The following ADAMTS6 variants were observed in gnomAD, a reference collection of about 807,000 sequenced individuals.
ADAMTS6 encodes ADAM metallopeptidase with thrombospondin type 1 motif 6.
A neutral mutation model predicts 144.3 loss-of-function variants in ADAMTS6; 23 were observed. The observed-to-expected ratio is 0.16, with a 90% CI of 0.11 to 0.23. The LOEUF (loss-of-function observed/expected upper bound fraction) is 0.23, where lower values mean the gene tolerates loss of function less well. Among genes scored for constraint, ADAMTS6 ranks in the 10% least tolerant of loss-of-function variants. The probability of loss-of-function intolerance (pLI) is 1.00; values close to 1 mark genes in which losing one functional copy is unlikely to be tolerated. For synonymous variants in ADAMTS6, 444 were observed against 457.5 expected (o/e 0.97, Z 0.38); for missense variants, 999 against 1,379.6 (o/e 0.72, Z 4.37).
chr5:65,263,699 CAT>C (rs1491360266), intron 12 of ADAMTS6, among the ~76,000 whole-genome samples: 3 of 152,154 alleles, frequency 2.0e-5, no homozygotes, highest in Non-Finnish European at 4.4e-5. Context: ...AAAATCAACT[CAT>C]AACTCTAGCA....
rs1758737043 is a variant in ADAMTS6 at position 65,451,500 on chromosome 5, G to C, written c.1048C>G (p.His350Asp). Residue 350 changes from histidine to aspartate, a missense_variant, in exon 7 of 25, where the codon CAC (histidine) becomes GAC (aspartate). This residue lies in a region of ADAMTS6 where 128 missense variants were observed against 249.0 expected (regional missense o/e 0.51). Coordinates refer to ENST00000381055, the MANE Select transcript of ADAMTS6 (RefSeq NM_197941.4). Reference protein sequence around the residue: ...NTIPENGIAHHDNAVLITRYD... With the variant: ...NTIPENGIAHDDNAVLITRYD... ...CTAGTAATAAGAACTGCATTATCGT[G>C]GTGGGCAATCCCATTTTCTGGAATG... is the stretch of plus-strand genomic sequence containing the variant. The C allele has an allele frequency of 6.2e-7, 1 of 1,613,580 alleles. No individual in the cohort carries two copies. The highest frequency in any genetic ancestry group is 8.5e-7 in the Non-Finnish European group (1 of 1,179,794).
intron 3 of ADAMTS6, among the ~76,000 whole-genome samples, chr5:65,462,210 G>T (rs1454147334): frequency 6.6e-6 from 1 of 152,164 alleles, no homozygotes; most frequent in Non-Finnish European, 1.5e-5. Flanking sequence ...ACTGAACACA[G>T]TTCCTGCAGA....
At chr5:65,221,278 A>G (rs1311878572) in intron 18 of ADAMTS6, among the ~76,000 whole-genome samples, 1 of 152,210 alleles carries the variant, frequency 6.6e-6, no homozygotes, top group Non-Finnish European at 1.5e-5. Flanking sequence ...AGCAATATAT[A>G]AGAGTAATAA....
intron 7 of ADAMTS6, among the ~76,000 whole-genome samples, chr5:65,358,935 A>G (rs116022930): frequency 0.011 from 1,734 of 152,210 alleles, 36 homozygotes; most frequent in African/African-American, 0.039. Flanking sequence ...AGAAAAAAAC[A>G]TATGAGAAAA....
At chr5:65,417,247 C>A (rs918797652) in intron 7 of ADAMTS6, among the ~76,000 whole-genome samples, 1 of 152,134 alleles carries the variant, frequency 6.6e-6, no homozygotes, top group Non-Finnish European at 1.5e-5. Flanking sequence ...TAAGAGCCAT[C>A]TATGACAAAC....
intron 24 of ADAMTS6, among the ~76,000 whole-genome samples, chr5:65,152,786 A>G (rs923930550): frequency 6.6e-6 from 1 of 152,100 alleles, no homozygotes; most frequent in Non-Finnish European, 1.5e-5. Context: ...GCTCCATACA[A>G]CCCCACTGCT....
At chr5:65,382,643 T>A (rs1752139332) in intron 7 of ADAMTS6, among the ~76,000 whole-genome samples, 1 of 152,254 alleles carries the variant, frequency 6.6e-6, no homozygotes, top group Non-Finnish European at 1.5e-5. Flanking sequence ...TACTTCATTT[T>A]TGCCTTCCTC....
At chr5:65,415,884 T>G (rs989470345) in intron 7 of ADAMTS6, 2 of 209,320 alleles carry the variant, frequency 9.6e-6, no homozygotes, top group Non-Finnish European at 2.0e-5. Context: ...ACACCATCCC[T>G]TGCAAGGTGA....
intron 7 of ADAMTS6, among the ~76,000 whole-genome samples, chr5:65,421,175 C>T (rs919941310): frequency 8.5e-5 from 13 of 152,166 alleles, no homozygotes; most frequent in African/African-American, 1.4e-4. Context: ...GAGTTTTATG[C>T]TTTCAAGAGG....
At chr5:65,231,121 C>G (rs2112437876) in intron 15 of ADAMTS6, among the ~76,000 whole-genome samples, 1 of 151,354 alleles carries the variant, frequency 6.6e-6, no homozygotes, top group East Asian at 1.9e-4. Flanking sequence ...CAAGACAACT[C>G]TATATTGCCT....
chr5:65,279,367 A>T (rs1368702570), intron 11 of ADAMTS6, among the ~76,000 whole-genome samples: 1 of 152,132 alleles, frequency 6.6e-6, no homozygotes, highest in Non-Finnish European at 1.5e-5. Context: ...CCCGGGCTAG[A>T]GTGCAATGGT....
chr5:65,434,070 T>A (rs1022693334), intron 7 of ADAMTS6, among the ~76,000 whole-genome samples: 1 of 152,186 alleles, frequency 6.6e-6, no homozygotes, highest in Admixed American at 6.5e-5. Context: ...TATTTGACCA[T>A]AAAAAGTAAT....
intron 18 of ADAMTS6, among the ~76,000 whole-genome samples, chr5:65,221,576 T>G (rs773078226): frequency 6.6e-6 from 1 of 152,158 alleles, no homozygotes; most frequent in Admixed American, 6.5e-5. Context: ...GCCCTTATGA[T>G]TGGTTGAAAA....
intron 15 of ADAMTS6, among the ~76,000 whole-genome samples, chr5:65,233,017 A>T (rs1203943405): frequency 2.0e-5 from 3 of 152,186 alleles, no homozygotes; most frequent in Non-Finnish European, 2.9e-5. Context: ...AGTAGGGTTT[A>T]TCCTGAGGAT....
intron 11 of ADAMTS6, among the ~76,000 whole-genome samples, chr5:65,291,065 G>A (rs1742254794): frequency 1.3e-5 from 2 of 151,992 alleles, no homozygotes; most frequent in Admixed American, 1.3e-4. Flanking sequence ...ATAAATTCAA[G>A]ATTTAAAGAA....
At chr5:65,192,078 A>C (rs1169969311) in intron 21 of ADAMTS6, among the ~76,000 whole-genome samples, 1 of 151,716 alleles carries the variant, frequency 6.6e-6, no homozygotes, top group East Asian at 1.9e-4. Context: ...CTAAGCTTAA[A>C]ATAAGAGATG....
chr5:65,162,478 C>A (rs1375820694), intron 24 of ADAMTS6, among the ~76,000 whole-genome samples: 1 of 152,026 alleles, frequency 6.6e-6, no homozygotes, highest in Non-Finnish European at 1.5e-5. Flanking sequence ...GGTACTTGGA[C>A]CCTACCAAAT....
Position 65,157,724 on chromosome 5 carries a change from G to T in ADAMTS6, c.3245-5779C>A, listed in dbSNP as rs778676892. The stretch of plus-strand genomic sequence containing the variant: ...TGAGAAGTGAGATAGCAAAGGTTGT[G>T]CATGCGTGGCACAGGAGTTGGGGTG... On this transcript the variant is annotated intron_variant, in intron 24 of 24. Transcript: ENST00000381055. Among the ~76,000 whole-genome samples the T allele has an allele frequency of 3.1e-4, 47 of 152,236 alleles. 3 individuals are homozygous for T. Among genetic ancestry groups the T allele is most frequent in the Admixed American group, 1.3e-4 (2 of 15,280 alleles).
intron 14 of ADAMTS6, among the ~76,000 whole-genome samples, chr5:65,257,564 T>C (rs1351926483): frequency 6.6e-6 from 1 of 152,210 alleles, no homozygotes; most frequent in Non-Finnish European, 1.5e-5. Flanking sequence ...TTTTTCTTGA[T>C]TTATTGTTCT....
Sources: gnomAD v4.1 joint callset for allele counts (sites outside exome capture counted in the v4.1 genomes callset) on GRCh38, gnomAD v4.1.1 for gene constraint, gnomAD v4.1.1 regional missense constraint, MANE v1.5 for transcripts, NCBI Gene and HGNC (gene_info 2026-07-23, HGNC 2026-07-21) for gene names.